Variants in BLTP1 observed in about 807,000 individuals in gnomAD.
BLTP1 encodes fragile site-associated protein.
At chr4:122,201,365 A>G in the BLTP1 span, among the ~76,000 whole-genome samples, 1 of 152,204 alleles carries the variant, frequency 6.6e-6, no homozygotes, top group Non-Finnish European at 1.5e-5. Context: ...GAAAGAACTC[A>G]ATTTAGGCTG....
chr4:122,247,429 GT>G, the BLTP1 span: 1 of 1,541,248 alleles, frequency 6.5e-7, no homozygotes, highest in African/African-American at 1.4e-5. Context: ...AAGGGAACAT[GT>G]TTTTTTCCTT....
the BLTP1 span, among the ~76,000 whole-genome samples, chr4:122,273,013 TAAA>T: frequency 6.6e-6 from 1 of 151,898 alleles, no homozygotes; most frequent in African/African-American, 2.4e-5. Context: ...GATGCTAAAA[TAAA>T]AAAGCAAATG....
chr4:122,190,033 G>A, the BLTP1 span: 92 of 1,613,310 alleles, frequency 5.7e-5, no homozygotes, highest in South Asian at 9.8e-4. Context: ...GTTTTGTGGT[G>A]ATGCAGTCAA....
the BLTP1 span, among the ~76,000 whole-genome samples, chr4:122,275,294 A>C: frequency 6.6e-5 from 10 of 152,064 alleles, no homozygotes; most frequent in Admixed American, 5.2e-4. Context: ...TGGGAACTGG[A>C]GTGGTCTTAT....
chr4:122,242,942 A>G, the BLTP1 span: 2 of 1,039,942 alleles, frequency 1.9e-6, no homozygotes, highest in Non-Finnish European at 1.5e-6. Flanking sequence ...ATCAGTTGAT[A>G]TCATAAAATT....
the BLTP1 span, among the ~76,000 whole-genome samples, chr4:122,338,428 T>C: frequency 4.6e-5 from 7 of 152,092 alleles, no homozygotes; most frequent in Admixed American, 3.3e-4. Context: ...TGAGCCATAA[T>C]TGTACCACTG....
chr4:122,183,770 G>C, the BLTP1 span, among the ~76,000 whole-genome samples: 1 of 152,000 alleles, frequency 6.6e-6, no homozygotes, highest in East Asian at 1.9e-4. Flanking sequence ...AAAATTCTAG[G>C]GTTAATAGCA....
the BLTP1 span, chr4:122,309,363 A>G: frequency 6.2e-7 from 1 of 1,613,584 alleles, no homozygotes; most frequent in Non-Finnish European, 8.5e-7. Context: ...CTGGTTAGCA[A>G]AGGGCATTTC....
chr4:122,192,101 G>T, the BLTP1 span: 1 of 857,404 alleles, frequency 1.2e-6, no homozygotes, highest in South Asian at 2.7e-5. Flanking sequence ...ACCCCTTTTA[G>T]GTTCTCAATA....
the BLTP1 span, among the ~76,000 whole-genome samples, chr4:122,299,464 A>C: frequency 2.6e-5 from 4 of 152,194 alleles, no homozygotes; most frequent in Admixed American, 6.5e-5. Context: ...TGAAAAGCAG[A>C]GACAGTAGTA....
chr4:122,299,831 G>A, the BLTP1 span: 1 of 984,746 alleles, frequency 1.0e-6, no homozygotes, highest in Non-Finnish European at 1.2e-6. Context: ...GAGTTAGGAG[G>A]CAGAGAGAAG....
the BLTP1 span, among the ~76,000 whole-genome samples, chr4:122,320,390 ATCC>A: frequency 6.6e-6 from 1 of 152,076 alleles, no homozygotes; most frequent in Admixed American, 6.6e-5. Flanking sequence ...GCCTCAGGCA[ATCC>A]TCCTGCTTTC....
chr4:122,355,201 C>G, the BLTP1 span, among the ~76,000 whole-genome samples: 1 of 152,084 alleles, frequency 6.6e-6, no homozygotes, highest in Non-Finnish European at 1.5e-5. Flanking sequence ...GCATAATGAA[C>G]TGCTGTCTGA....
At chr4:122,268,611 T>G in the BLTP1 span, among the ~76,000 whole-genome samples, 1 of 152,222 alleles carries the variant, frequency 6.6e-6, no homozygotes, top group East Asian at 1.9e-4. Context: ...CATGGTCAGC[T>G]GTTTCTTCTA....
the BLTP1 span, chr4:122,292,507 A>G: frequency 6.0e-6 from 5 of 838,008 alleles, no homozygotes; most frequent in Non-Finnish European, 7.2e-6. Context: ...ATGATTTAAG[A>G]GAATATGAAA....
At chr4:122,179,875 C>A in the BLTP1 span, 1 of 985,118 alleles carries the variant, frequency 1.0e-6, no homozygotes, top group African/African-American at 1.7e-5. Context: ...TGCAAAGTAT[C>A]CTCCCTGCCC....
At chr4:122,238,335 A>G in the BLTP1 span, 1 of 1,613,962 alleles carries the variant, frequency 6.2e-7, no homozygotes, top group Non-Finnish European at 8.5e-7. Context: ...ACAAAAAGAG[A>G]TGATGGCCAA....
the BLTP1 span, chr4:122,314,148 A>G: frequency 7.1e-5 from 70 of 984,834 alleles, no homozygotes; most frequent in Non-Finnish European, 8.3e-5. Context: ...CACTCAAAGG[A>G]CAGGATAAAT....
the BLTP1 span, among the ~76,000 whole-genome samples, chr4:122,302,709 G>T: frequency 2.0e-5 from 3 of 152,130 alleles, no homozygotes; most frequent in Non-Finnish European, 4.4e-5. Context: ...GTTCTTAAAC[G>T]AAATTAAAAG....
Sources: gnomAD v4.1 joint callset for allele counts (sites outside exome capture counted in the v4.1 genomes callset) on GRCh38, gnomAD v4.1.1 for gene constraint, MANE v1.5 for transcripts, NCBI Gene and HGNC (gene_info 2026-07-23, HGNC 2026-07-21) for gene names.